TRAPPC8: variants seen among roughly 807,000 people sequenced by gnomAD.
TRAPPC8 encodes general sporulation gene 1 homolog.
TRAPPC8 carries 54 observed loss-of-function variants against 174.3 expected under a neutral mutation model. That is an observed-to-expected ratio of 0.31 (90% CI 0.25 to 0.39). The LOEUF is 0.39. TRAPPC8 is among the 10% of genes least tolerant of loss of function. The pLI, the probability that TRAPPC8 is intolerant of heterozygous loss-of-function variation, is 1.00. For synonymous variants in TRAPPC8, 630 were observed against 579.9 expected (o/e 1.09, Z -1.24); for missense variants, 1,531 against 1,699.1 (o/e 0.90, Z 1.74).
At position 31,830,848 on chromosome 18, in the gene TRAPPC8, A is replaced by G; in HGVS notation, c.4215T>C (p.Pro1405=). 3 of 1,614,166 alleles carry G rather than the reference A, an allele frequency of 1.9e-6. No individual in the cohort carries two copies. The highest frequency in any genetic ancestry group is 2.2e-5 in the East Asian group (1 of 44,884). The change falls in exon 29 of 29, where the codon CCT becomes CCC. Residue 1405 remains proline (P), a synonymous_variant. Transcript: ENST00000283351. ...VHTGVYNLGT[P]RVFAKLSDQV... is the part of the protein sequence containing the mutation. ...GGTCCGATAACTTGGCAAATACCCT[A>G]GGAGTTCCAAGGTTATAAACACCTG...
At chr18:31,873,346 T>C (rs1378330913) in intron 14 of TRAPPC8, 84 bp downstream of exon 14, 2 of 1,141,164 alleles carry the variant, frequency 1.8e-6, no homozygotes, top group Non-Finnish European at 2.5e-6. Flanking sequence ...TATTCAACTA[T>C]ACATCGTTTT....
At chr18:31,841,689 A>C (rs1234771313) in intron 26 of TRAPPC8, among the ~76,000 whole-genome samples, 1 of 152,166 alleles carries the variant, frequency 6.6e-6, no homozygotes, top group Non-Finnish European at 1.5e-5. Flanking sequence ...GCTGTTGCCT[A>C]AACAGAGGAT....
chr18:31,899,939 T>A (rs2036344856), intron 10 of TRAPPC8, among the ~76,000 whole-genome samples: 3 of 149,814 alleles, frequency 2.0e-5, no homozygotes, highest in Admixed American at 2.0e-4. Context: ...TGCGAGACTG[T>A]CTCAAAAAAA....
intron 2 of TRAPPC8, among the ~76,000 whole-genome samples, chr18:31,919,596 A>G (rs1294704125): frequency 1.4e-5 from 2 of 147,738 alleles, no homozygotes; most frequent in Admixed American, 6.8e-5. Flanking sequence ...AAATAAAATA[A>G]TAATAATCCT....
intron 27 of TRAPPC8, among the ~76,000 whole-genome samples, chr18:31,837,008 C>T (rs1048263331): frequency 1.3e-5 from 2 of 151,932 alleles, no homozygotes; most frequent in African/African-American, 2.4e-5. Context: ...GTGATCCGCC[C>T]GCCTTGGCCT....
intron 2 of TRAPPC8, among the ~76,000 whole-genome samples, chr18:31,918,221 T>G (rs2037233047): frequency 6.6e-6 from 1 of 151,340 alleles, no homozygotes; most frequent in Non-Finnish European, 1.5e-5. Flanking sequence ...ATTCATATAT[T>G]CATGAGTATA....
chr18:31,933,611 G>A (rs565364361), intron 1 of TRAPPC8, among the ~76,000 whole-genome samples: 2 of 152,230 alleles, frequency 1.3e-5, no homozygotes, highest in Admixed American at 1.3e-4. Context: ...TGCACCATGG[G>A]TTATTATCAC....
At chr18:31,832,618 A>T (rs2032440893) in intron 27 of TRAPPC8, 1 of 152,244 alleles carries the variant, frequency 6.6e-6, no homozygotes, top group Non-Finnish European at 1.5e-5. Flanking sequence ...AAATTTGCAC[A>T]ACATCATGTT....
chr18:31,891,377 T>C (rs2035948339), intron 11 of TRAPPC8, among the ~76,000 whole-genome samples: 1 of 152,178 alleles, frequency 6.6e-6, no homozygotes, highest in South Asian at 2.1e-4. Flanking sequence ...CCTCAACTTT[T>C]GCTATAATTC....
chr18:31,867,562 AT>A (rs1204102745), intron 16 of TRAPPC8, 86 bp from the exon 17 acceptor site: 16 of 896,702 alleles, frequency 1.8e-5, no homozygotes, highest in Middle Eastern at 3.2e-4. Flanking sequence ...CTTCAAAAAA[AT>A]AACACTAATT....
intron 12 of TRAPPC8, among the ~76,000 whole-genome samples, chr18:31,875,226 T>A (rs2035082461): frequency 1.3e-5 from 2 of 151,830 alleles, no homozygotes; most frequent in African/African-American, 4.8e-5. Flanking sequence ...ATAAACACAT[T>A]TATCAAAGTT....
intron 1 of TRAPPC8, chr18:31,939,480 TCCTC>T (rs555394610): frequency 1.3e-5 from 2 of 152,204 alleles, no homozygotes; most frequent in Non-Finnish European, 2.9e-5. Flanking sequence ...AGTAAGAGTT[TCCTC>T]CCTGTTTCCC....
chr18:31,902,786 C>A (rs578093105), intron 9 of TRAPPC8, among the ~76,000 whole-genome samples: 23 of 152,066 alleles, frequency 1.5e-4, no homozygotes, highest in Non-Finnish European at 1.0e-4. Context: ...CGCGGTGGCT[C>A]ACGCCTGTAA....
At chr18:31,903,135 T>C (rs2036519614) in intron 9 of TRAPPC8, among the ~76,000 whole-genome samples, 2 of 151,556 alleles carry the variant, frequency 1.3e-5, no homozygotes, top group South Asian at 2.1e-4. Flanking sequence ...TGTGTGTGTG[T>C]GTGTGTGTTT....
intron 25 of TRAPPC8, among the ~76,000 whole-genome samples, chr18:31,849,234 G>T (rs1390131053): frequency 6.6e-6 from 1 of 152,070 alleles, no homozygotes; most frequent in African/African-American, 2.4e-5. Context: ...TTGGAGCCAA[G>T]GTAGTGGATT....
At chr18:31,892,423 G>C (rs2035993596) in intron 11 of TRAPPC8, among the ~76,000 whole-genome samples, 1 of 152,090 alleles carries the variant, frequency 6.6e-6, no homozygotes, top group African/African-American at 2.4e-5. Flanking sequence ...TTATTTTAAA[G>C]CTACACTGTC....
intron 20 of TRAPPC8, among the ~76,000 whole-genome samples, chr18:31,856,102 CTT>C (rs984004433): frequency 2.6e-5 from 4 of 151,176 alleles, no homozygotes; most frequent in Non-Finnish European, 4.4e-5. Flanking sequence ...GATTGTGCTT[CTT>C]TCTCTCTCTT....
chr18:31,906,665 A>C (rs2145470305), intron 9 of TRAPPC8, among the ~76,000 whole-genome samples: 1 of 152,336 alleles, frequency 6.6e-6, no homozygotes, highest in South Asian at 2.1e-4. Flanking sequence ...TATCTGTGGT[A>C]ACTTTTCAAA....
chr18:31,853,737 T>C (rs1247320205), intron 22 of TRAPPC8, 112 bp downstream of exon 22: 6 of 733,046 alleles, frequency 8.2e-6, no homozygotes, highest in African/African-American at 7.2e-5. Context: ...GAAATCACAA[T>C]TTAATGCTTA....
Sources: allele counts gnomAD v4.1 joint callset (sites outside exome capture counted in the v4.1 genomes callset), GRCh38; gene constraint gnomAD v4.1.1; transcripts MANE v1.5; gene names NCBI Gene and HGNC (gene_info 2026-07-23, HGNC 2026-07-21).